PRKAA2: variants seen among roughly 807,000 people sequenced by gnomAD.
The protein encoded by PRKAA2 is 5'-AMP-activated protein kinase catalytic subunit alpha-2.
PRKAA2 carries 40 observed loss-of-function variants against 56.3 expected under a neutral mutation model. The ratio of observed to expected loss-of-function variants is 0.71; its 90% confidence interval spans 0.55 to 0.92. PRKAA2 has a LOEUF of 0.92. Among genes scored for constraint, PRKAA2 ranks in the 40% least tolerant of loss-of-function variants. PRKAA2 has a pLI of 0.00. For synonymous variants in PRKAA2, 214 were observed against 234.2 expected (o/e 0.91, Z 0.79); for missense variants, 542 against 686.9 (o/e 0.79, Z 2.36).
rs978945952 is a variant in PRKAA2 at position 56,708,071 on chromosome 1, T to C, written c.*358T>C. 3 of 243,036 alleles carry C rather than the reference T, an allele frequency of 1.2e-5. No homozygotes were observed. Among genetic ancestry groups the C allele is most frequent in the African/African-American group, 6.8e-5 (3 of 43,932 alleles). The allele number at this position is 243,036 out of a possible 1,614,324, so 15.1% of individuals were successfully genotyped here. Reference sequence around the variant, plus strand: ...GGCAACACCTCCTTGCTTTGCTGTTTGGTGTAGGTAAATCTAGTTTACTTC... The same window carrying C: ...GGCAACACCTCCTTGCTTTGCTGTTCGGTGTAGGTAAATCTAGTTTACTTC... On this transcript the variant is annotated 3_prime_UTR_variant, in exon 9 of 9. Transcript: ENST00000371244.
chr1:56,674,518 A>C lies in PRKAA2; in HGVS notation c.232A>C (p.Lys78Gln). 6.6e-7 allele frequency: 1 copy of C among 1,513,634 alleles called. No individual in the cohort carries two copies. The highest frequency in any genetic ancestry group is 8.9e-7 in the Non-Finnish European group (1 of 1,121,104). 93.8% of individuals were successfully genotyped at this position (1,513,634 alleles called of 1,614,324 possible). Residue 78 changes from lysine (K) to glutamine (Q), a missense_variant, in exon 2 of 9, where the codon AAA becomes CAA. By Grantham distance (53) the Lys-to-Gln change is moderately conservative. Coordinates refer to ENST00000371244, the MANE Select transcript of PRKAA2 (RefSeq NM_006252.4). The stretch of plus-strand genomic sequence containing the variant: ...ACTCTTTCGTCATCCTCATATTATC[A>C]AACTGTAAGTATTTTTGTATCTAAT... ...LKLFRHPHII[K>Q]LYQVISTPTD...
chr1:56,697,389 T>A (rs1644265984), intron 6 of PRKAA2, among the ~76,000 whole-genome samples: 1 of 152,128 alleles, frequency 6.6e-6, no homozygotes, highest in African/African-American at 2.4e-5. Flanking sequence ...GATAGCTGTT[T>A]ATGTGACTGC....
chr1:56,667,690 A>G (rs944729180), intron 1 of PRKAA2, among the ~76,000 whole-genome samples: 9 of 152,170 alleles, frequency 5.9e-5, no homozygotes, highest in African/African-American at 2.2e-4. Flanking sequence ...CTTAAATGAA[A>G]CAATGTATAT....
chr1:56,682,769 A>T (rs895135684), intron 2 of PRKAA2, among the ~76,000 whole-genome samples: 1 of 152,180 alleles, frequency 6.6e-6, no homozygotes, highest in African/African-American at 2.4e-5. Flanking sequence ...CCAAAGTGAT[A>T]ATCTAGATTA....
intron 7 of PRKAA2, 82 bp from the exon 8 acceptor site, chr1:56,706,009 CT>C (rs1644329314): frequency 8.3e-7 from 1 of 1,198,894 alleles, no homozygotes; most frequent in Non-Finnish European, 1.2e-6. Flanking sequence ...TACCTCACCC[CT>C]ATTAATTATT....
chr1:56,669,369 G>C (rs1422922543), intron 1 of PRKAA2, among the ~76,000 whole-genome samples: 1 of 151,946 alleles, frequency 6.6e-6, no homozygotes, highest in Non-Finnish European at 1.5e-5. Context: ...TGAGGCAGGA[G>C]AATCACTTGA....
rs557090880 is a variant in PRKAA2, at chr1:56,704,417, C to T, written c.1235C>T (p.Pro412Leu). Reference protein sequence around the residue: ...WHLGIRSQSKPYDIMAEVYRA... With the variant: ...WHLGIRSQSKLYDIMAEVYRA... Reference sequence around the variant, plus strand: ...CTTGGAATCCGAAGTCAGAGCAAACCGTATGACATTATGGCTGAAGTTTAC... The same window carrying T: ...CTTGGAATCCGAAGTCAGAGCAAACTGTATGACATTATGGCTGAAGTTTAC... The change falls in exon 7 of 9, where the codon CCG (proline) becomes CTG (leucine). Residue 412 changes from proline to leucine, a missense_variant. Coordinates refer to ENST00000371244, the MANE Select transcript of PRKAA2 (RefSeq NM_006252.4). The T allele has an allele frequency of 5.0e-6, 8 of 1,613,310 alleles. No homozygotes were observed. In the East Asian group the frequency reaches 6.7e-5, roughly 13 times the overall value.
chr1:56,687,385 TATAC>T (rs1644199528), intron 2 of PRKAA2, among the ~76,000 whole-genome samples: 1 of 152,076 alleles, frequency 6.6e-6, no homozygotes, highest in Non-Finnish European at 1.5e-5. Context: ...ATATATGAAA[TATAC>T]ATATGTAGAG....
intron 1 of PRKAA2, among the ~76,000 whole-genome samples, chr1:56,655,280 A>ATATATATATATATTTT: frequency 4.7e-4 from 44 of 93,642 alleles, no homozygotes; most frequent in Admixed American, 4.6e-3. Context: ...ATATATATAT[A>ATATATATATATATTTT]TTTTTTTTTT....
At chr1:56,683,315 G>A (rs1321267533) in intron 2 of PRKAA2, among the ~76,000 whole-genome samples, 1 of 152,038 alleles carries the variant, frequency 6.6e-6, no homozygotes, top group Admixed American at 6.6e-5. Context: ...ACAGTAGTAG[G>A]TATTCAATAA....
intron 6 of PRKAA2, among the ~76,000 whole-genome samples, chr1:56,699,133 A>G (rs1321217457): frequency 6.6e-6 from 1 of 152,178 alleles, no homozygotes; most frequent in Non-Finnish European, 1.5e-5. Flanking sequence ...TGAATATCAG[A>G]AACTGCAAAT....
In PRKAA2 at chr1:56,647,483, C is replaced by G. The variant is rs192701774; in HGVS notation, c.94+2002C>G. ...AGACAACTTAAATCTCTTGTATGTA[C>G]TTTTGAATTGTTTCCAGGCACTGGC... On this transcript the variant is annotated intron_variant, in intron 1 of 8. Coordinates refer to ENST00000371244, the MANE Select transcript of PRKAA2 (RefSeq NM_006252.4). Among the ~76,000 whole-genome samples, 32 of 152,270 alleles carry G rather than the reference C, an allele frequency of 2.1e-4. 1 individual carries two copies. Among genetic ancestry groups the G allele is most frequent in the Admixed American group, 1.9e-3 (29 of 15,280 alleles).
intron 2 of PRKAA2, among the ~76,000 whole-genome samples, chr1:56,680,544 T>C (rs1237614849): frequency 6.6e-6 from 1 of 152,072 alleles, no homozygotes; most frequent in Non-Finnish European, 1.5e-5. Flanking sequence ...GTGTGTGATG[T>C]TCCCCTTCCT....
At chr1:56,655,280 A>ATATATATATATATTTTTTTTTTT in intron 1 of PRKAA2, among the ~76,000 whole-genome samples, 69 of 93,614 alleles carry the variant, frequency 7.4e-4, no homozygotes, top group African/African-American at 2.5e-3. Flanking sequence ...ATATATATAT[A>ATATATATATATATTTTTTTTTTT]TTTTTTTTTT....
At position 56,671,287 on chromosome 1, in the gene PRKAA2, A is replaced by G. The variant is rs1254741766; in HGVS notation, c.95-3094A>G. Among the ~76,000 whole-genome samples the G allele has an allele frequency of 2.6e-5, 4 of 152,176 alleles. 1 individual carries two copies. Among genetic ancestry groups the G allele is most frequent in the Non-Finnish European group, 4.4e-5 (3 of 68,020 alleles). The stretch of plus-strand genomic sequence containing the variant: ...AAAAGGCTAAATCCCCATTGTAGGG[A>G]TTTCAGTGCTAGTTATTTCATTGAG... On this transcript the variant is annotated intron_variant, in intron 1 of 8. Transcript: ENST00000371244.
chr1:56,669,400 A>G (rs1644059339), intron 1 of PRKAA2, among the ~76,000 whole-genome samples: 1 of 152,002 alleles, frequency 6.6e-6, no homozygotes, highest in African/African-American at 2.4e-5. Flanking sequence ...CAGAGGTTGC[A>G]GTGAACTGAG....
intron 1 of PRKAA2, among the ~76,000 whole-genome samples, chr1:56,673,999 C>T (rs1219101820): frequency 8.7e-6 from 1 of 115,420 alleles, no homozygotes; most frequent in Non-Finnish European, 1.9e-5. Context: ...TTCTATAATA[C>T]AATGACTGGC....
In PRKAA2 at chr1:56,645,325, AGGCGGC is replaced by A. The variant is rs545526063; in HGVS notation, c.-50_-45del. On this transcript the variant is annotated 5_prime_UTR_variant, in exon 1 of 9. Coordinates refer to ENST00000371244, the MANE Select transcript of PRKAA2 (RefSeq NM_006252.4). ...CCGCAGGGCCCGCTGCACTGTGGGT[AGGCGGC>A]GGCGGCGGCGGCTACGCGGAGCGGC... The A allele has an allele frequency of 3.0e-6, 4 of 1,333,226 alleles. No individual in the cohort carries two copies. The highest frequency in any genetic ancestry group is 2.7e-5 in the South Asian group (2 of 73,646). 82.6% of individuals were successfully genotyped at this position (1,333,226 alleles called of 1,614,324 possible).
chr1:56,673,985 A>T (rs1015453646), intron 1 of PRKAA2, among the ~76,000 whole-genome samples: 1 of 148,682 alleles, frequency 6.7e-6, no homozygotes, highest in South Asian at 2.3e-4. Context: ...TACACTATTT[A>T]TTCTTCTATA....
Sources: gnomAD v4.1 joint callset for allele counts (sites outside exome capture counted in the v4.1 genomes callset) on GRCh38, gnomAD v4.1.1 for gene constraint, MANE v1.5 for transcripts, NCBI Gene and HGNC (gene_info 2026-07-23, HGNC 2026-07-21) for gene names.